Variants in FAM168A observed in about 807,000 individuals in gnomAD.
The protein encoded by FAM168A is protein FAM168A.
In FAM168A, 3 loss-of-function variants were observed where a neutral mutation model predicts 28.5. The observed-to-expected ratio is 0.11, with a 90% CI of 0.05 to 0.27. The LOEUF is 0.27. Among genes scored for constraint, FAM168A ranks in the 10% least tolerant of loss-of-function variants. The probability of loss-of-function intolerance (pLI) is 1.00; values close to 1 mark genes in which losing one functional copy is unlikely to be tolerated. For synonymous variants in FAM168A, 122 were observed against 124.2 expected, an observed-to-expected ratio of 0.98 and a Z score of 0.12; for missense variants, 222 against 311.5, an observed-to-expected ratio of 0.71 and a Z score of 2.16.
intron 2 of FAM168A, among the ~76,000 whole-genome samples, chr11:73,444,698 G>A (rs976702711): frequency 6.6e-6 from 1 of 152,130 alleles, no homozygotes; most frequent in Admixed American, 6.5e-5. Flanking sequence ...CAACCTAAAT[G>A]TCTACCAACA....
At chr11:73,589,109 T>C (rs896757570) in intron 1 of FAM168A, among the ~76,000 whole-genome samples, 1 of 152,184 alleles carries the variant, frequency 6.6e-6, no homozygotes, top group African/African-American at 2.4e-5. Context: ...ACCCAGTCTA[T>C]GGCATTTTGG....
intron 3 of FAM168A, 148 bp downstream of exon 3, chr11:73,430,542 C>T: frequency 1.4e-6 from 1 of 709,034 alleles, no homozygotes; most frequent in Non-Finnish European, 2.5e-6. Flanking sequence ...GTCCCAGTTC[C>T]CAGAAGGGAC....
chr11:73,488,832 CATAAA>C (rs1215135743), intron 1 of FAM168A, among the ~76,000 whole-genome samples: 1 of 152,134 alleles, frequency 6.6e-6, no homozygotes, highest in Non-Finnish European at 1.5e-5. Context: ...AAAATAAATA[CATAAA>C]ATAAACAAAA....
At chr11:73,520,737 C>G (rs1943364932) in intron 1 of FAM168A, among the ~76,000 whole-genome samples, 1 of 151,984 alleles carries the variant, frequency 6.6e-6, no homozygotes, top group Non-Finnish European at 1.5e-5. Flanking sequence ...AACTCAGCCC[C>G]TTTATATATT....
intron 1 of FAM168A, among the ~76,000 whole-genome samples, chr11:73,488,888 CTTTCTT>C (rs1868090623): frequency 6.6e-6 from 1 of 152,104 alleles, no homozygotes; most frequent in African/African-American, 2.4e-5. Flanking sequence ...GCTACCATTT[CTTTCTT>C]TGTTTTTTTC....
At chr11:73,538,941 A>C (rs1332974957) in intron 1 of FAM168A, among the ~76,000 whole-genome samples, 2 of 152,218 alleles carry the variant, frequency 1.3e-5, no homozygotes, top group Admixed American at 6.5e-5. Flanking sequence ...TTGACTATCA[A>C]AGTATTTTGT....
intron 1 of FAM168A, among the ~76,000 whole-genome samples, chr11:73,544,528 CAA>C (rs1943699677): frequency 6.6e-6 from 1 of 151,038 alleles, no homozygotes. Flanking sequence ...GGGAACTATC[CAA>C]ATGTCCATCA....
intron 3 of FAM168A, among the ~76,000 whole-genome samples, chr11:73,422,980 A>G (rs1866825276): frequency 6.6e-6 from 1 of 152,240 alleles, no homozygotes; most frequent in African/African-American, 2.4e-5. Context: ...TGAACAATGT[A>G]CTGAGTCAGG....
At chr11:73,583,376 AG>A (rs1376384297) in intron 1 of FAM168A, among the ~76,000 whole-genome samples, 1 of 152,164 alleles carries the variant, frequency 6.6e-6, no homozygotes, top group Non-Finnish European at 1.5e-5. Flanking sequence ...GGGAAATTAC[AG>A]CTGTTAATAG....
rs1474842957 is a variant in FAM168A at position 73,406,618 on chromosome 11, T to C, written c.*145A>G. On this transcript the variant is annotated 3_prime_UTR_variant, in exon 8 of 8. Transcript: ENST00000356467. ...AACCAAAAATAAAAATCAAAACCAT[T>C]AAAGATGCATAAAGTGACCCTTGCA... 1 of 152,512 alleles carries C rather than the reference T, an allele frequency of 6.6e-6. No homozygotes were observed. Among genetic ancestry groups the C allele is most frequent in the African/African-American group, 2.4e-5 (1 of 41,402 alleles). 9.4% of individuals were successfully genotyped at this position (152,512 alleles called of 1,614,324 possible). A position where few individuals can be genotyped will look rare whatever the true frequency, so the allele number is the denominator to read the frequency against.
At chr11:73,511,728 G>A (rs1855230236) in intron 1 of FAM168A, among the ~76,000 whole-genome samples, 1 of 152,140 alleles carries the variant, frequency 6.6e-6, no homozygotes, top group Non-Finnish European at 1.5e-5. Flanking sequence ...ATATCTAGAT[G>A]ATGTTGTGCA....
chr11:73,525,202 A>C (rs926417504), intron 1 of FAM168A, among the ~76,000 whole-genome samples: 14 of 152,014 alleles, frequency 9.2e-5, no homozygotes, highest in African/African-American at 3.4e-4. Flanking sequence ...ATCTTTGCCT[A>C]TTCTTTCATA....
chr11:73,563,078 A>T (rs1943978000), intron 1 of FAM168A, among the ~76,000 whole-genome samples: 1 of 152,222 alleles, frequency 6.6e-6, no homozygotes, highest in Admixed American at 6.5e-5. Context: ...TAGTGAAGTC[A>T]ATTAAACTAC....
Position 73,403,103 on chromosome 11 carries a change from C to T in FAM168A, c.*3660G>A, listed in dbSNP as rs1477891283. 1.3e-5 allele frequency: 2 copies of T among 152,150 alleles called. No homozygotes were observed. Among genetic ancestry groups the T allele is most frequent in the Non-Finnish European group, 2.9e-5 (2 of 68,036 alleles). The allele number at this position is 152,150 out of a possible 1,614,324, so 9.4% of individuals were successfully genotyped here. On this transcript the variant is annotated 3_prime_UTR_variant, in exon 8 of 8. Transcript: ENST00000356467. ...GACTTTGGCAACCAATGTCAAAGTA[C>T]TTTGCATACCAAAAACGCTCTGGAC...
chr11:73,587,538 T>C (rs1002689745), intron 1 of FAM168A, among the ~76,000 whole-genome samples: 5 of 151,546 alleles, frequency 3.3e-5, no homozygotes, highest in African/African-American at 1.2e-4. Flanking sequence ...AAACTATTAA[T>C]TTTACCCAGG....
At chr11:73,432,634 C>T (rs1387521484) in intron 2 of FAM168A, among the ~76,000 whole-genome samples, 1 of 152,082 alleles carries the variant, frequency 6.6e-6, no homozygotes, top group Admixed American at 6.6e-5. Flanking sequence ...AATTATTTGG[C>T]CGGGCGCGGT....
intron 1 of FAM168A, among the ~76,000 whole-genome samples, chr11:73,518,170 G>C (rs912965352): frequency 8.5e-5 from 13 of 152,284 alleles, no homozygotes; most frequent in Admixed American, 4.6e-4. Context: ...AGGGATATTA[G>C]AGAGTAGTAT....
intron 2 of FAM168A, among the ~76,000 whole-genome samples, chr11:73,467,361 T>C (rs1387856084): frequency 6.6e-6 from 1 of 151,656 alleles, no homozygotes; most frequent in Non-Finnish European, 1.5e-5. Flanking sequence ...CTGGGGAGGT[T>C]AGGGCAAGTT....
chr11:73,457,223 A>AT (rs1272494592), intron 2 of FAM168A, among the ~76,000 whole-genome samples: 103 of 138,314 alleles, frequency 7.4e-4, no homozygotes, highest in African/African-American at 3.3e-3. Flanking sequence ...TCCCTTCTTT[A>AT]ATTTTTTTTT....
Sources: allele counts gnomAD v4.1 joint callset (sites outside exome capture counted in the v4.1 genomes callset), GRCh38; gene constraint gnomAD v4.1.1; transcripts MANE v1.5; gene names NCBI Gene and HGNC (gene_info 2026-07-23, HGNC 2026-07-21).